CDH13: variants seen among roughly 807,000 people sequenced by gnomAD.
CDH13 encodes the protein cadherin 13.
Under a neutral mutation model 63.8 loss-of-function variants are expected in CDH13, and 24 were observed. That is an observed-to-expected ratio of 0.38 (90% confidence interval 0.27 to 0.53). CDH13 has a LOEUF of 0.53. CDH13 is among the 20% of genes least tolerant of loss of function. The probability of loss-of-function intolerance (pLI) is 0.85; values close to 1 mark genes in which losing one functional copy is unlikely to be tolerated. For synonymous variants in CDH13, 503 were observed against 355.3 expected, an observed-to-expected ratio of 1.42 and a Z score of -4.67; for missense variants, 1,049 against 903.1, an observed-to-expected ratio of 1.16 and a Z score of -2.07.
At chr16:83,516,966 A>T (rs1374531884) in intron 7 of CDH13, among the ~76,000 whole-genome samples, 2 of 152,172 alleles carry the variant, frequency 1.3e-5, no homozygotes, top group East Asian at 3.8e-4. Context: ...AAATATTGTC[A>T]CCAGAGAAAT....
intron 7 of CDH13, among the ~76,000 whole-genome samples, chr16:83,575,211 C>G (rs775394232): frequency 2.0e-5 from 3 of 152,076 alleles, no homozygotes; most frequent in Non-Finnish European, 4.4e-5. Context: ...TGAAAATGTT[C>G]TAAAATCAAT....
chr16:82,761,908 A>G (rs556995910), intron 1 of CDH13, among the ~76,000 whole-genome samples: 3 of 152,350 alleles, frequency 2.0e-5, no homozygotes, highest in Admixed American at 2.0e-4. Flanking sequence ...ATAACTTTAG[A>G]TAATAAGAAA....
At chr16:82,743,337 C>G (rs1237371408) in intron 1 of CDH13, among the ~76,000 whole-genome samples, 1 of 152,152 alleles carries the variant, frequency 6.6e-6, no homozygotes, top group Non-Finnish European at 1.5e-5. Flanking sequence ...AGGCGATCCT[C>G]CCACCTCAGC....
chr16:82,924,432 A>C (rs2042244230), intron 2 of CDH13, among the ~76,000 whole-genome samples: 1 of 152,240 alleles, frequency 6.6e-6, no homozygotes, highest in African/African-American at 2.4e-5. Context: ...GACAATATCA[A>C]AACAAATATT....
At chr16:83,043,605 T>A (rs567738464) in intron 3 of CDH13, among the ~76,000 whole-genome samples, 1 of 151,728 alleles carries the variant, frequency 6.6e-6, no homozygotes, top group East Asian at 2.0e-4. Context: ...ACACCTGTAA[T>A]CCCAGCACTT....
chr16:83,118,656 A>G (rs6565127), intron 3 of CDH13, among the ~76,000 whole-genome samples: 95,769 of 151,998 alleles, frequency 0.63, 30,947 homozygotes, highest in Non-Finnish European at 0.69. Context: ...CCGTTTCTGC[A>G]GTTCTTTAGA....
chr16:82,703,528 G>T lies in CDH13; in HGVS notation c.45+76391G>T, dbSNP rs145982819. Among the ~76,000 whole-genome samples, 8 of 152,288 alleles carry T rather than the reference G, an allele frequency of 5.3e-5. No individual in the cohort carries two copies. In the East Asian group the frequency reaches 1.5e-3, roughly 29 times the overall value. ...TTCTCAGAGTCTCCAGGGAGAATGA[G>T]CTCCAGTAGCCCACAGTGGTACCTG... On this transcript the variant is annotated intron_variant, in intron 1 of 13. Coordinates refer to ENST00000567109, the MANE Select transcript of CDH13 (RefSeq NM_001257.5).
At chr16:83,158,588 G>T (rs2037314805) in intron 4 of CDH13, among the ~76,000 whole-genome samples, 1 of 152,336 alleles carries the variant, frequency 6.6e-6, no homozygotes. Flanking sequence ...TGTTCAGAAA[G>T]TCGTGGAGGT....
At chr16:82,901,065 G>A (rs1322115734) in intron 2 of CDH13, among the ~76,000 whole-genome samples, 1 of 125,110 alleles carries the variant, frequency 8.0e-6, no homozygotes, top group Admixed American at 9.8e-5. Flanking sequence ...GAGCCAAAAT[G>A]TATATTGATT....
intron 1 of CDH13, among the ~76,000 whole-genome samples, chr16:82,665,843 A>G (rs1481189194): frequency 6.6e-6 from 1 of 152,140 alleles, no homozygotes; most frequent in Non-Finnish European, 1.5e-5. Flanking sequence ...GGGCAAAATC[A>G]TTGAATACAA....
chr16:83,386,556 A>G (rs1048795438), intron 6 of CDH13, among the ~76,000 whole-genome samples: 5 of 152,200 alleles, frequency 3.3e-5, no homozygotes, highest in African/African-American at 1.2e-4. Flanking sequence ...ATACCCGGAT[A>G]GTATTACCCA....
rs189093109 is a variant in CDH13 at position 83,241,660 on chromosome 16, C to A, written c.636+24163C>A. Among the ~76,000 whole-genome samples the A allele has an allele frequency of 4.4e-4, 67 of 152,248 alleles. 1 individual carries two copies. Among genetic ancestry groups the A allele is most frequent in the African/African-American group, 1.6e-3 (65 of 41,536 alleles). ...GAGAATTATCTATTCAGGCCCCTTGCCCATTTTTTAATCAGTTTATTTGGA... is the reference window on the plus strand; with the variant it reads ...GAGAATTATCTATTCAGGCCCCTTGACCATTTTTTAATCAGTTTATTTGGA... On this transcript the variant is annotated intron_variant, in intron 5 of 13. Transcript: ENST00000567109.
intron 4 of CDH13, among the ~76,000 whole-genome samples, chr16:83,140,720 G>A (rs1414428662): frequency 1.3e-5 from 2 of 152,174 alleles, no homozygotes; most frequent in Non-Finnish European, 2.9e-5. Context: ...CTCCAAAAGT[G>A]CTGGGATTAC....
chr16:82,742,707 C>T (rs12598803), intron 1 of CDH13, among the ~76,000 whole-genome samples: 17,322 of 152,142 alleles, frequency 0.11, 1,448 homozygotes, highest in East Asian at 0.4. Context: ...TATAATTTCC[C>T]TTTGCATAAT....
chr16:82,960,243 A>G (rs1350910628), intron 2 of CDH13, among the ~76,000 whole-genome samples: 1 of 152,188 alleles, frequency 6.6e-6, no homozygotes, highest in Non-Finnish European at 1.5e-5. Flanking sequence ...AGGGACATAT[A>G]TTGATGATAT....
At chr16:82,702,211 T>A (rs2031089068) in intron 1 of CDH13, among the ~76,000 whole-genome samples, 1 of 152,184 alleles carries the variant, frequency 6.6e-6, no homozygotes. Context: ...GCAGATGTGT[T>A]CACTCTGTAA....
chr16:83,263,747 C>T (rs773366813), intron 5 of CDH13, among the ~76,000 whole-genome samples: 2 of 152,158 alleles, frequency 1.3e-5, no homozygotes, highest in Non-Finnish European at 2.9e-5. Flanking sequence ...GGGAGAGTGG[C>T]AGAGACAGCA....
intron 4 of CDH13, among the ~76,000 whole-genome samples, chr16:83,155,741 C>G (rs2037180678): frequency 6.6e-6 from 1 of 152,182 alleles, no homozygotes; most frequent in Non-Finnish European, 1.5e-5. Flanking sequence ...ACAGACCTCA[C>G]AGGAGCCAGG....
chr16:82,863,364 C>T lies in CDH13; in HGVS notation c.157+4891C>T, dbSNP rs530592928. On this transcript the variant is annotated intron_variant, in intron 2 of 13. Coordinates refer to ENST00000567109, the MANE Select transcript of CDH13 (RefSeq NM_001257.5). Reference sequence around the variant, plus strand: ...TCCTCTCCCTGTGCCATCTTAGAAACACTAGGGGAGGGACAGCACCTACTC... The same window carrying T: ...TCCTCTCCCTGTGCCATCTTAGAAATACTAGGGGAGGGACAGCACCTACTC... Among the ~76,000 whole-genome samples, 66 of 152,316 alleles carry T rather than the reference C, an allele frequency of 4.3e-4. 1 individual carries two copies. Among genetic ancestry groups the T allele is most frequent in the African/African-American group, 1.5e-3 (62 of 41,566 alleles).
Sources: allele counts gnomAD v4.1 joint callset (sites outside exome capture counted in the v4.1 genomes callset), GRCh38; gene constraint gnomAD v4.1.1; transcripts MANE v1.5; gene names NCBI Gene and HGNC (gene_info 2026-07-23, HGNC 2026-07-21).